ERCC1: variants seen among roughly 807,000 people sequenced by gnomAD.
ERCC1 encodes ERCC excision repair 1, endonuclease non-catalytic subunit.
In ERCC1, 36 loss-of-function variants were observed where a neutral mutation model predicts 37.6. The ratio of observed to expected loss-of-function variants is 0.96; its 90% confidence interval spans 0.73 to 1.26. The LOEUF is 1.26. Ranked by LOEUF, ERCC1 falls within the 50% of genes most tolerant of loss-of-function variation. The probability of loss-of-function intolerance (pLI) is 0.00; values close to 1 mark genes in which losing one functional copy is unlikely to be tolerated. For missense variants in ERCC1, 349 were observed against 376.5 expected, an observed-to-expected ratio of 0.93 and a Z score of 0.60; for synonymous variants, 156 against 162.1, an observed-to-expected ratio of 0.96 and a Z score of 0.28.
chr19:45,427,842 C>A (rs1013448065), upstream of ERCC1, among the ~76,000 whole-genome samples: 1 of 152,118 alleles, frequency 6.6e-6, no homozygotes, highest in Non-Finnish European at 1.5e-5. Flanking sequence ...TCCGCCAGAA[C>A]CCAGCGGGGG....
At chr19:45,413,616 T>G (rs956551112) in intron 9 of ERCC1, 61 bp downstream of exon 9, 1 of 1,614,228 alleles carries the variant, frequency 6.2e-7, no homozygotes, top group Non-Finnish European at 8.5e-7. Context: ...GGTCTCAGGT[T>G]GTGTTTATTT....
Position 45,420,752 on chromosome 19 carries a change from T to C in ERCC1, c.322-325A>G, listed in dbSNP as rs1261879594. On this transcript the variant is annotated intron_variant, in intron 3 of 9. Coordinates refer to ENST00000300853, the MANE Select transcript of ERCC1 (RefSeq NM_001983.4). The surrounding 1 kb of genome is among the most constrained non-coding windows in gnomAD (Gnocchi z 4.8). The stretch of plus-strand genomic sequence containing the variant: ...CCCTCCAGCCCCAGTCTGCGTGTCC[T>C]GTGGTCCTGAACACTTCCTGCCCTC... Among the ~76,000 whole-genome samples, 2 of 152,120 alleles carry C rather than the reference T, an allele frequency of 1.3e-5. No individual in the cohort carries two copies. Among genetic ancestry groups the C allele is most frequent in the African/African-American group, 4.8e-5 (2 of 41,428 alleles).
At chr19:45,440,215 C>T (rs567560326) in intron 1 of ERCC1, among the ~76,000 whole-genome samples, 43 of 151,566 alleles carry the variant, frequency 2.8e-4, no homozygotes, top group African/African-American at 1.0e-3. Flanking sequence ...CACCTCCATT[C>T]CTCATCATAA....
rs1974324099 is a variant in ERCC1 at position 45,420,192 on chromosome 19, C to T, written c.425+132G>A. Reference sequence around the variant, plus strand: ...AGACCCCCTGCCTCCAACACAGGGTCCCACCAAGGCCCAGAACCTGCAGGA... The same window carrying T: ...AGACCCCCTGCCTCCAACACAGGGTTCCACCAAGGCCCAGAACCTGCAGGA... On this transcript the variant is annotated intron_variant, in intron 4 of 9. Coordinates refer to ENST00000300853, the MANE Select transcript of ERCC1 (RefSeq NM_001983.4). The surrounding 1 kb of genome is among the most constrained non-coding windows in gnomAD (Gnocchi z 4.8). The T allele has an allele frequency of 1.4e-6, 1 of 707,214 alleles. No individual in the cohort carries two copies. The highest frequency in any genetic ancestry group is 2.0e-5 in the Admixed American group (1 of 49,334). The allele number at this position is 707,214 out of a possible 1,614,324, so 43.8% of individuals were successfully genotyped here.
Position 45,409,633 on chromosome 19 carries a change from G to C in ERCC1, c.*42C>G. 2.6e-6 allele frequency: 4 copies of C among 1,510,800 alleles called. No individual in the cohort carries two copies. Among genetic ancestry groups the C allele is most frequent in the Non-Finnish European group, 3.7e-6 (4 of 1,089,658 alleles). 93.6% of individuals were successfully genotyped at this position (1,510,800 alleles called of 1,614,324 possible). A position where few individuals can be genotyped will look rare whatever the true frequency, so the allele number is the denominator to read the frequency against. On this transcript the variant is annotated 3_prime_UTR_variant, in exon 10 of 10. Coordinates refer to ENST00000300853, the MANE Select transcript of ERCC1 (RefSeq NM_001983.4). ...CAGCAGGAGCCTGGCCTGGGAGGAC[G>C]ATTTATTATTACACTGGGGGTTTCC... is the stretch of plus-strand genomic sequence containing the variant.
intron 1 of ERCC1, among the ~76,000 whole-genome samples, chr19:45,444,589 G>C (rs1975212326): frequency 1.3e-5 from 2 of 152,144 alleles, no homozygotes; most frequent in Non-Finnish European, 2.9e-5. Flanking sequence ...GGAGACTGAG[G>C]CGCAGCAAAG....
rs147931040 is a variant in ERCC1 at position 45,412,356 on chromosome 19, G to A, written c.843+1321C>T. On this transcript the variant is annotated intron_variant, in intron 9 of 9. Coordinates refer to ENST00000300853, the MANE Select transcript of ERCC1 (RefSeq NM_001983.4). ...ATATTTTTAGTAGAGATGGGGTTTC[G>A]CCATGTTGGCCAGGCTGATCTTGAA... Among the ~76,000 whole-genome samples, 334 of 151,016 alleles carry A rather than the reference G, an allele frequency of 2.2e-3. 2 individuals are homozygous for A. The highest frequency in any genetic ancestry group is 7.6e-3 in the African/African-American group (311 of 41,024).
In ERCC1 at chr19:45,408,180, G is replaced by A. The variant is rs1973463023; in HGVS notation, c.*1495C>T. 1 of 1,612,080 alleles carries A rather than the reference G, an allele frequency of 6.2e-7. No individual in the cohort carries two copies. Among genetic ancestry groups the A allele is most frequent in the Non-Finnish European group, 8.5e-7 (1 of 1,178,596 alleles). ...CTCTCTGGCTCCCAGATCGTCAAGG[G>A]CAAATTGGCAGGCAAGCGGCACCGC... On this transcript the variant is annotated 3_prime_UTR_variant, in exon 10 of 10. Transcript: ENST00000300853.
chr19:45,422,527 C>T (rs1004756405), intron 2 of ERCC1, among the ~76,000 whole-genome samples: 2 of 152,222 alleles, frequency 1.3e-5, no homozygotes, highest in South Asian at 4.1e-4. Context: ...CATCCCAGCA[C>T]TTTGGGAGGC....
chr19:45,448,500 A>T (rs574533988), intron 1 of ERCC1, among the ~76,000 whole-genome samples: 27 of 152,196 alleles, frequency 1.8e-4, no homozygotes, highest in African/African-American at 6.0e-4. Context: ...AGTGACAGAG[A>T]TACATAGAGA....
intron 4 of ERCC1, among the ~76,000 whole-genome samples, chr19:45,419,721 G>A (rs113746362): frequency 7.4e-4 from 113 of 152,232 alleles, no homozygotes; most frequent in African/African-American, 2.5e-3. Context: ...TAGGTTGGAG[G>A]GGAAAGTTGT....
intron 7 of ERCC1, chr19:45,414,577 G>A (rs1005995196): frequency 2.2e-6 from 1 of 447,856 alleles, no homozygotes. Context: ...GAAGTGTGAA[G>A]TGGAGGCCAC....
Position 45,416,826 on chromosome 19 carries a change from G to A in ERCC1, c.597C>T (p.Ala199=), listed in dbSNP as rs574521163. The A allele has an allele frequency of 6.8e-6, 11 of 1,613,102 alleles. No individual in the cohort carries two copies. The highest frequency in any genetic ancestry group is 4.0e-5 in the African/African-American group (3 of 74,972). Residue 199 remains alanine, a synonymous_variant, in exon 6 of 10, where the codon GCC becomes GCT. Transcript: ENST00000300853. ...CAGGGAAGCCCTCATCTCACCTCCA[G>A]GCGAGGATCAATGTGCAGTCGGCCA... is the stretch of plus-strand genomic sequence containing the variant. The part of the protein sequence containing the change: ...CILADCTLIL[A]WSPEEAGRYL...
chr19:45,434,157 A>ACACACAC (rs1568597008), intron 1 of ERCC1, among the ~76,000 whole-genome samples: 2 of 109,180 alleles, frequency 1.8e-5, no homozygotes, highest in East Asian at 2.8e-4. Flanking sequence ...CACACACACA[A>ACACACAC]AAAAAAAAAA....
chr19:45,424,081 T>C, upstream of ERCC1: 1 of 1,040,004 alleles, frequency 9.6e-7, no homozygotes, highest in Non-Finnish European at 1.2e-6. Context: ...ACTGAGCGCT[T>C]CTGTGTGCCC....
At chr19:45,439,185 C>G (rs1249500819) in intron 1 of ERCC1, among the ~76,000 whole-genome samples, 1 of 151,674 alleles carries the variant, frequency 6.6e-6, no homozygotes, top group African/African-American at 2.4e-5. Flanking sequence ...GACTCTGTCT[C>G]AAAAAACAAA....
chr19:45,421,482 C>T (rs1974425043), intron 2 of ERCC1, 89 bp from the exon 3 acceptor site: 2 of 948,568 alleles, frequency 2.1e-6, no homozygotes, highest in Non-Finnish European at 3.1e-6. Context: ...CTTTCTTTTT[C>T]TTTTTTTGAG....
At chr19:45,434,344 C>T (rs532799860) in intron 1 of ERCC1, among the ~76,000 whole-genome samples, 1 of 134,824 alleles carries the variant, frequency 7.4e-6, no homozygotes, top group Non-Finnish European at 1.6e-5. Flanking sequence ...AAAAAAAAAT[C>T]GCATGGCTTG....
chr19:45,412,845 T>C (rs1568576130), intron 9 of ERCC1, among the ~76,000 whole-genome samples: 6 of 152,152 alleles, frequency 3.9e-5, no homozygotes, highest in African/African-American at 7.2e-5. Context: ...GTTCAAACGA[T>C]TGTCCTGCCT....
Sources: allele counts gnomAD v4.1 joint callset (sites outside exome capture counted in the v4.1 genomes callset), GRCh38; gene constraint gnomAD v4.1.1; non-coding constraint Gnocchi (gnomAD v3.1); transcripts MANE v1.5; gene names NCBI Gene and HGNC (gene_info 2026-07-23, HGNC 2026-07-21).